ABCC1: variants seen among roughly 807,000 people sequenced by gnomAD.
ABCC1 encodes the protein ATP binding cassette subfamily C member 1 (ABCC1 blood group).
In ABCC1, 83 loss-of-function variants were observed where a neutral mutation model predicts 172.9. The ratio of observed to expected loss-of-function variants is 0.48; its 90% CI spans 0.40 to 0.58. The LOEUF (loss-of-function observed/expected upper bound fraction) is 0.58, where lower values mean the gene tolerates loss of function less well. Ranked by LOEUF, ABCC1 falls within the 20% of genes least tolerant of loss-of-function variation. The pLI, the probability that ABCC1 is intolerant of heterozygous loss-of-function variation, is 0.00. For missense variants in ABCC1, 1,817 were observed against 2,002.7 expected (o/e 0.91, Z 1.77); for synonymous variants, 937 against 825.2 (o/e 1.14, Z -2.32).
At chr16:16,120,816 C>T (rs953392161) in intron 23 of ABCC1, among the ~76,000 whole-genome samples, 4 of 151,980 alleles carry the variant, frequency 2.6e-5, no homozygotes, top group Non-Finnish European at 5.9e-5. Flanking sequence ...AGGGGGGTGA[C>T]GAGATTGACC....
Position 16,112,324 on chromosome 16 carries a change from A to C in ABCC1, c.3079+742A>C, listed in dbSNP as rs59819962. ...CTACAGTTAGACCTATGATTGCACC[A>C]CTGCCCTCCAGCCTGGGTGACAGAG... On this transcript the variant is annotated intron_variant, in intron 22 of 30. Coordinates refer to ENST00000399410, the MANE Select transcript of ABCC1 (RefSeq NM_004996.4). Among the ~76,000 whole-genome samples, 394 of 151,582 alleles carry C rather than the reference A, an allele frequency of 2.6e-3. 2 individuals carry two copies. Among genetic ancestry groups the C allele is most frequent in the African/African-American group, 9.1e-3 (376 of 41,314 alleles).
intron 5 of ABCC1, among the ~76,000 whole-genome samples, chr16:16,021,555 A>G (rs1235123568): frequency 6.6e-6 from 1 of 151,966 alleles, no homozygotes; most frequent in Non-Finnish European, 1.5e-5. Context: ...CATCTCTACT[A>G]AAAATACAAA....
intron 12 of ABCC1, among the ~76,000 whole-genome samples, chr16:16,057,610 AG>A (rs1480178485): frequency 6.6e-6 from 1 of 152,128 alleles, no homozygotes. Flanking sequence ...TCCCTTCTAA[AG>A]TGACAGTTTC....
At chr16:16,136,180 T>A (rs2045909579) in intron 28 of ABCC1, among the ~76,000 whole-genome samples, 1 of 152,012 alleles carries the variant, frequency 6.6e-6, no homozygotes, top group African/African-American at 2.4e-5. Context: ...TGCACCACCA[T>A]GCCCAGCTAA....
rs545503602 is a variant in ABCC1 at position 16,029,404 on chromosome 16, G to T, written c.616-3705G>T. On this transcript the variant is annotated intron_variant, in intron 5 of 30. Transcript: ENST00000399410. ...TGTCCGGCCAATTTTTATATTTTTT[G>T]TAGAGACAGGGTCTTGCCATGTTGC... is the stretch of plus-strand genomic sequence containing the variant. 2.0e-5 allele frequency among the ~76,000 whole-genome samples: 3 copies of T among 152,028 alleles called. No individual in the cohort carries two copies. In the East Asian group the frequency reaches 5.8e-4, roughly 29 times the overall value.
chr16:16,052,874 G>A, intron 11 of ABCC1, 58 bp downstream of exon 11: 1 of 1,532,828 alleles, frequency 6.5e-7, no homozygotes, highest in South Asian at 1.1e-5. Flanking sequence ...GCCTCTCCAT[G>A]AGGATTTTAG....
chr16:16,043,220 C>CCGTT (rs1437069469), intron 7 of ABCC1, among the ~76,000 whole-genome samples: 7 of 93,176 alleles, frequency 7.5e-5, no homozygotes, highest in African/African-American at 4.2e-4. Context: ...GCTGGCTGGA[C>CCGTT]TGTTTTTTTT....
chr16:16,123,687 G>A (rs2045271652), intron 24 of ABCC1, among the ~76,000 whole-genome samples: 1 of 151,940 alleles, frequency 6.6e-6, no homozygotes, highest in Non-Finnish European at 1.5e-5. Flanking sequence ...TAGTTCTGAT[G>A]GTACATGATA....
At position 15,985,507 on chromosome 16, in the gene ABCC1, C is replaced by G. The variant is rs140904886; in HGVS notation, c.49-22309C>G. Among the ~76,000 whole-genome samples the G allele has an allele frequency of 1.0e-3, 156 of 152,176 alleles. 1 individual carries two copies. Among genetic ancestry groups the G allele is most frequent in the Middle Eastern group, 3.4e-3 (1 of 294 alleles). Reference sequence around the variant, plus strand: ...TTGCCCAGGCTGGAGTGCAATGGCACCATCTCGGCTCACTGCATCTTCCGC... The same window carrying G: ...TTGCCCAGGCTGGAGTGCAATGGCAGCATCTCGGCTCACTGCATCTTCCGC... On this transcript the variant is annotated intron_variant, in intron 1 of 30. Coordinates refer to ENST00000399410, the MANE Select transcript of ABCC1 (RefSeq NM_004996.4).
intron 7 of ABCC1, among the ~76,000 whole-genome samples, chr16:16,041,333 A>T (rs1382038240): frequency 2.0e-5 from 3 of 152,036 alleles, no homozygotes; most frequent in African/African-American, 7.2e-5. Context: ...GCAGGTTTTA[A>T]TTGTACAAGT....
chr16:16,008,030 G>T, intron 2 of ABCC1, 38 bp downstream of exon 2: 1 of 1,419,448 alleles, frequency 7.0e-7, no homozygotes. Flanking sequence ...GGGGTGGGAA[G>T]GTGCACCTGG....
At chr16:16,139,743 CAA>C (rs1441416696) in intron 30 of ABCC1, among the ~76,000 whole-genome samples, 2 of 151,744 alleles carry the variant, frequency 1.3e-5, no homozygotes, top group African/African-American at 4.8e-5. Flanking sequence ...CCGGGGACCA[CAA>C]AAGTCAGAAT....
chr16:16,061,309 G>A (rs1362703457), intron 12 of ABCC1, among the ~76,000 whole-genome samples: 1 of 152,180 alleles, frequency 6.6e-6, no homozygotes, highest in Non-Finnish European at 1.5e-5. Flanking sequence ...TCATACAGCC[G>A]GACTTCGCAC....
chr16:16,011,123 C>G (rs189278230), intron 3 of ABCC1, among the ~76,000 whole-genome samples: 2 of 152,090 alleles, frequency 1.3e-5, no homozygotes, highest in East Asian at 3.9e-4. Flanking sequence ...GTCCTAGCTA[C>G]TCAAGAGGCT....
chr16:16,004,307 T>C (rs116814467), intron 1 of ABCC1, among the ~76,000 whole-genome samples: 2 of 152,264 alleles, frequency 1.3e-5, no homozygotes, highest in East Asian at 1.9e-4. Context: ...CTATGTCTCT[T>C]GTATACATAA....
At chr16:16,018,066 T>C (rs993680130) in intron 5 of ABCC1, among the ~76,000 whole-genome samples, 6 of 152,150 alleles carry the variant, frequency 3.9e-5, no homozygotes, top group African/African-American at 1.4e-4. Context: ...GAGCACCTAT[T>C]TGATGCTGAT....
intron 1 of ABCC1, among the ~76,000 whole-genome samples, chr16:15,968,316 G>A (rs986627340): frequency 4.0e-5 from 6 of 151,738 alleles, no homozygotes; most frequent in African/African-American, 1.5e-4. Context: ...TTACCGGGGT[G>A]AGCCACCATG....
intron 19 of ABCC1, 32 bp from the exon 20 acceptor site, chr16:16,102,595 C>A (rs774472603): frequency 1.3e-6 from 2 of 1,552,232 alleles, no homozygotes; most frequent in Non-Finnish European, 1.7e-6. Context: ...CTCATATAAC[C>A]CCACTTGCCC....
intron 1 of ABCC1, among the ~76,000 whole-genome samples, chr16:15,959,465 A>G (rs1282069531): frequency 6.6e-6 from 1 of 152,184 alleles, no homozygotes; most frequent in East Asian, 1.9e-4. Flanking sequence ...AGCTGGGACC[A>G]GAGGTGCACA....
Sources: gnomAD v4.1 joint callset for allele counts (sites outside exome capture counted in the v4.1 genomes callset) on GRCh38, gnomAD v4.1.1 for gene constraint, MANE v1.5 for transcripts, NCBI Gene and HGNC (gene_info 2026-07-23, HGNC 2026-07-21) for gene names.